The following RIN2 variants were observed in gnomAD, a reference collection of about 807,000 sequenced individuals.
The protein encoded by RIN2 is Ras and Rab interactor 2.
Under a neutral mutation model 78.0 loss-of-function variants are expected in RIN2, and 36 were observed. The observed-to-expected ratio is 0.46, with a 90% confidence interval of 0.35 to 0.61. The LOEUF (loss-of-function observed/expected upper bound fraction) is 0.61. Ranked by LOEUF, RIN2 falls within the 20% of genes least tolerant of loss-of-function variation. RIN2 has a pLI of 0.00. For synonymous variants in RIN2, 466 were observed against 466.8 expected (o/e 1.00, Z 0.02); for missense variants, 1,087 against 1,159.7 (o/e 0.94, Z 0.91).
chr20:19,818,220 G>A (rs1275329218), intron 2 of RIN2, among the ~76,000 whole-genome samples: 4 of 152,150 alleles, frequency 2.6e-5, no homozygotes, highest in African/African-American at 9.7e-5. Context: ...TAGTACACCT[G>A]TATAGTGCAG....
At chr20:19,911,458 G>A (rs570733945) in intron 3 of RIN2, among the ~76,000 whole-genome samples, 9 of 152,172 alleles carry the variant, frequency 5.9e-5, no homozygotes, top group African/African-American at 1.4e-4. Flanking sequence ...ACACACCTGC[G>A]ACCACACCAC....
At chr20:19,933,026 T>G (rs1391296770) in intron 3 of RIN2, among the ~76,000 whole-genome samples, 1 of 152,104 alleles carries the variant, frequency 6.6e-6, no homozygotes, top group African/African-American at 2.4e-5. Flanking sequence ...TGTCAAATTG[T>G]TCCTAAATTC....
At chr20:19,951,117 C>T (rs2041299402) in intron 4 of RIN2, among the ~76,000 whole-genome samples, 1 of 152,050 alleles carries the variant, frequency 6.6e-6, no homozygotes, top group Non-Finnish European at 1.5e-5. Flanking sequence ...TGGCCTCAAA[C>T]TCCTGAGGTC....
At position 19,935,203 on chromosome 20, in the gene RIN2, A is replaced by G. The variant is rs376533807; in HGVS notation, c.158+4A>G. ...TGGAACCCGCTGAAACCCACAGGTG[A>G]CCAGAGACACGGTTAGGTGATGGGT... On this transcript the variant is annotated splice_donor_region_variant and intron_variant, in intron 4 of 12. Transcript: ENST00000255006. 1 of 1,591,418 alleles carries G rather than the reference A, an allele frequency of 6.3e-7. No homozygotes were observed. The highest frequency in any genetic ancestry group is 8.6e-7 in the Non-Finnish European group (1 of 1,168,626).
At chr20:19,980,603 G>A (rs544207051) in intron 9 of RIN2, among the ~76,000 whole-genome samples, 1 of 152,278 alleles carries the variant, frequency 6.6e-6, no homozygotes, top group Admixed American at 6.5e-5. Context: ...ACCTCACCAG[G>A]TAAAAGAGGA....
chr20:19,950,883 C>CTTTTTTTTTT (rs1568651482), intron 4 of RIN2, among the ~76,000 whole-genome samples: 1 of 125,278 alleles, frequency 8.0e-6, no homozygotes. Context: ...GCCTGGCTAA[C>CTTTTTTTTTT]CTTTTTTTTT....
rs565534113 is a variant in RIN2, at chr20:19,948,998, G to A, written c.159-7617G>A. Among the ~76,000 whole-genome samples, 255 of 152,092 alleles carry A rather than the reference G, an allele frequency of 1.7e-3. 2 individuals carry two copies. Among genetic ancestry groups the A allele is most frequent in the African/African-American group, 6.0e-3 (247 of 41,466 alleles). ...TTTACTTTAAAAAAAAAAAAATCTA[G>A]GCTGTACACCGTGGCTCACGCCTGT... is the stretch of plus-strand genomic sequence containing the variant. On this transcript the variant is annotated intron_variant, in intron 4 of 12. Coordinates refer to ENST00000255006, the MANE Select transcript of RIN2 (RefSeq NM_018993.4).
chr20:19,868,900 G>T (rs1022959948), intron 2 of RIN2, among the ~76,000 whole-genome samples: 1 of 152,024 alleles, frequency 6.6e-6, no homozygotes, highest in Non-Finnish European at 1.5e-5. Flanking sequence ...GGCCAACATC[G>T]TGAAACCTTG....
intron 1 of RIN2, among the ~76,000 whole-genome samples, chr20:19,781,865 G>GC (rs1264474173): frequency 1.3e-5 from 2 of 150,524 alleles, no homozygotes; most frequent in Admixed American, 6.6e-5. Flanking sequence ...CAATTACTGT[G>GC]CCCCCTACAG....
At chr20:19,851,455 G>C (rs1052432895) in intron 2 of RIN2, among the ~76,000 whole-genome samples, 1 of 152,130 alleles carries the variant, frequency 6.6e-6, no homozygotes, top group African/African-American at 2.4e-5. Flanking sequence ...GGGCATGATG[G>C]CTCAAGCCTG....
chr20:19,851,070 AAGGAAGGAAGGAAGGT>A (rs1429213191), intron 2 of RIN2, among the ~76,000 whole-genome samples: 2 of 150,748 alleles, frequency 1.3e-5, no homozygotes, highest in African/African-American at 2.4e-5. Flanking sequence ...GGAAGGAAGG[AAGGAAGGAAGGAAGGT>A]AGGAAGGAAG....
chr20:19,816,708 T>C (rs2035778149), intron 2 of RIN2, among the ~76,000 whole-genome samples: 1 of 152,198 alleles, frequency 6.6e-6, no homozygotes, highest in African/African-American at 2.4e-5. Context: ...TGATCAAATA[T>C]TTCCTGAACA....
chr20:19,856,953 C>G (rs902448222), intron 2 of RIN2, among the ~76,000 whole-genome samples: 2 of 151,842 alleles, frequency 1.3e-5, no homozygotes, highest in African/African-American at 2.4e-5. Flanking sequence ...GCCAGTATCC[C>G]CCCTCATTTT....
intron 3 of RIN2, among the ~76,000 whole-genome samples, chr20:19,898,003 G>A (rs1277501274): frequency 2.0e-5 from 3 of 152,252 alleles, no homozygotes; most frequent in South Asian, 4.1e-4. Context: ...CATGAGCTTT[G>A]GTGCCCAGCC....
intron 2 of RIN2, among the ~76,000 whole-genome samples, chr20:19,869,081 C>CAAAAAAAAAAAA (rs11413677): frequency 1.3e-5 from 1 of 76,316 alleles, no homozygotes; most frequent in Non-Finnish European, 2.3e-5. Flanking sequence ...GACTCCGTCT[C>CAAAAAAAAAAAA]AAAAAAAAAA....
At chr20:19,924,504 C>T (rs1600822288) in intron 3 of RIN2, among the ~76,000 whole-genome samples, 2 of 93,892 alleles carry the variant, frequency 2.1e-5, no homozygotes, top group African/African-American at 4.1e-5. Context: ...TTCATACCCC[C>T]ACCTTCACAC....
intron 2 of RIN2, among the ~76,000 whole-genome samples, chr20:19,808,315 C>T (rs1182654250): frequency 1.3e-5 from 2 of 152,186 alleles, no homozygotes; most frequent in African/African-American, 2.4e-5. Flanking sequence ...CCAGAGAGGC[C>T]GCCATGGCCC....
chr20:19,903,483 T>TCAAGC (rs2039079449), intron 3 of RIN2, among the ~76,000 whole-genome samples: 1 of 152,200 alleles, frequency 6.6e-6, no homozygotes, highest in African/African-American at 2.4e-5. Flanking sequence ...ACTTCCAGAT[T>TCAAGC]CTAGGCTTGT....
intron 4 of RIN2, among the ~76,000 whole-genome samples, chr20:19,940,752 C>T (rs879483801): frequency 7.2e-5 from 11 of 152,224 alleles, no homozygotes; most frequent in Admixed American, 5.9e-4. Flanking sequence ...TTTCATTTGG[C>T]GGAAGCAGGC....
Sources: gnomAD v4.1 joint callset for allele counts (sites outside exome capture counted in the v4.1 genomes callset) on GRCh38, gnomAD v4.1.1 for gene constraint, MANE v1.5 for transcripts, NCBI Gene and HGNC (gene_info 2026-07-23, HGNC 2026-07-21) for gene names.